COL19A1: variants seen among roughly 807,000 people sequenced by gnomAD.
COL19A1 encodes the protein collagen type XIX alpha 1 chain.
In COL19A1, 159 loss-of-function variants were observed where a neutral mutation model predicts 190.2. The ratio of observed to expected loss-of-function variants is 0.84; its 90% confidence interval spans 0.73 to 0.95. The LOEUF (loss-of-function observed/expected upper bound fraction) is 0.95, where lower values mean the gene tolerates loss of function less well. Among genes scored for constraint, COL19A1 ranks in the 40% least tolerant of loss-of-function variants. The pLI, the probability that COL19A1 is intolerant of heterozygous loss-of-function variation, is 0.00. For synonymous variants in COL19A1, 509 were observed against 458.9 expected (o/e 1.11, Z -1.39); for missense variants, 1,418 against 1,431.9 (o/e 0.99, Z 0.16).
chr6:69,966,214 G>A (rs534640532), intron 11 of COL19A1, among the ~76,000 whole-genome samples: 5 of 152,040 alleles, frequency 3.3e-5, no homozygotes, highest in African/African-American at 1.2e-4. Context: ...CTGCCCGGCC[G>A]CCCCGTCTGG....
chr6:70,027,647 A>G (rs546220391), intron 12 of COL19A1, among the ~76,000 whole-genome samples: 101 of 152,280 alleles, frequency 6.6e-4, no homozygotes, highest in Non-Finnish European at 1.2e-3. Flanking sequence ...ATGCATGCTC[A>G]TATGTCCATT....
At chr6:69,975,478 C>G (rs1775662975) in intron 11 of COL19A1, among the ~76,000 whole-genome samples, 1 of 152,142 alleles carries the variant, frequency 6.6e-6, no homozygotes, top group South Asian at 2.1e-4. Flanking sequence ...CTAGATTAGG[C>G]CTAGAATCAC....
At chr6:70,054,250 T>A (rs1179569470) in intron 14 of COL19A1, among the ~76,000 whole-genome samples, 1 of 152,154 alleles carries the variant, frequency 6.6e-6, no homozygotes, top group Non-Finnish European at 1.5e-5. Context: ...CTCGGGAGGC[T>A]GAGGCAGGAG....
chr6:69,950,689 C>T (rs1012841984), intron 9 of COL19A1, among the ~76,000 whole-genome samples: 1 of 150,778 alleles, frequency 6.6e-6, no homozygotes, highest in Non-Finnish European at 1.5e-5. Flanking sequence ...CACACACACA[C>T]ACACACACAC....
intron 11 of COL19A1, among the ~76,000 whole-genome samples, chr6:69,991,573 A>C (rs1343300679): frequency 1.3e-5 from 2 of 152,066 alleles, no homozygotes; most frequent in Non-Finnish European, 2.9e-5. Context: ...TTTTAATAAT[A>C]GCCATCCTGA....
chr6:69,945,885 C>G (rs1773765412), intron 9 of COL19A1, among the ~76,000 whole-genome samples: 1 of 151,936 alleles, frequency 6.6e-6, no homozygotes, highest in Non-Finnish European at 1.5e-5. Flanking sequence ...ATATTATTTT[C>G]CACTGTTTCG....
intron 15 of COL19A1, among the ~76,000 whole-genome samples, chr6:70,079,497 T>C (rs1291316222): frequency 6.6e-6 from 1 of 152,028 alleles, no homozygotes; most frequent in African/African-American, 2.4e-5. Context: ...AACCTTGAAA[T>C]TTGGGTAAAC....
chr6:69,982,922 A>C (rs1459306259), intron 11 of COL19A1, among the ~76,000 whole-genome samples: 1 of 151,604 alleles, frequency 6.6e-6, no homozygotes, highest in Non-Finnish European at 1.5e-5. Context: ...CAGTGAGCCA[A>C]GATCTTGCCA....
At chr6:70,148,045 C>T (rs1389471108) in intron 27 of COL19A1, among the ~76,000 whole-genome samples, 5 of 152,002 alleles carry the variant, frequency 3.3e-5, no homozygotes, top group Admixed American at 1.3e-4. Context: ...TCAGTCCCCA[C>T]GGAGTTGGGG....
intron 48 of COL19A1, among the ~76,000 whole-genome samples, chr6:70,192,049 TTG>T (rs893114407): frequency 4.3e-4 from 35 of 80,960 alleles, no homozygotes; most frequent in African/African-American, 1.3e-3. Flanking sequence ...ATGGGGTTTT[TTG>T]TTGTTGTTGT....
chr6:70,180,592 A>G, intron 44 of COL19A1, 69 bp downstream of exon 44: 1 of 1,498,756 alleles, frequency 6.7e-7, no homozygotes. Context: ...CTCATCTACC[A>G]CCTCAGAAAT....
chr6:70,176,191 G>C (rs992021954), intron 41 of COL19A1, among the ~76,000 whole-genome samples: 2 of 152,178 alleles, frequency 1.3e-5, no homozygotes, highest in African/African-American at 4.8e-5. Context: ...TTTTGAACAT[G>C]TAGAATAAAA....
rs147487822 is a variant in COL19A1, at chr6:70,134,571, G to A, written c.1384-3114G>A. On this transcript the variant is annotated intron_variant, in intron 18 of 50. Transcript: ENST00000620364. Reference sequence around the variant, plus strand: ...AGCGAATATTACACAGTTGGGATGCGGATGACTGAACTTTGGGAAACACTG... The same window carrying A: ...AGCGAATATTACACAGTTGGGATGCAGATGACTGAACTTTGGGAAACACTG... Among the ~76,000 whole-genome samples, 159 of 152,226 alleles carry A rather than the reference G, an allele frequency of 1.0e-3. 1 individual carries two copies. Among genetic ancestry groups the A allele is most frequent in the African/African-American group, 3.1e-3 (128 of 41,528 alleles).
At chr6:69,896,543 CAAAAAAAAAAA>C (rs61409385) in intron 2 of COL19A1, among the ~76,000 whole-genome samples, 13 of 71,676 alleles carry the variant, frequency 1.8e-4, no homozygotes, top group Admixed American at 1.7e-4. Flanking sequence ...GACTCCGTCT[CAAAAAAAAAAA>C]AAAAAAAAAA....
chr6:69,998,420 G>A lies in COL19A1; in HGVS notation c.1027-25207G>A, dbSNP rs191535717. 8.7e-3 allele frequency among the ~76,000 whole-genome samples: 1,326 copies of A among 151,852 alleles called. 18 individuals carry two copies. The highest frequency in any genetic ancestry group is 0.03 in the African/African-American group (1,234 of 41,378). On this transcript the variant is annotated intron_variant, in intron 11 of 50. Transcript: ENST00000620364. ...AGCACTTTGGGAGGCCAAGGTGGGC[G>A]GATCACCTGAGATCAGGAGTTCGAG... is the stretch of plus-strand genomic sequence containing the variant.
At chr6:70,034,168 G>T in intron 12 of COL19A1, 77 bp from the exon 13 acceptor site, 1 of 1,002,594 alleles carries the variant, frequency 1.0e-6, no homozygotes, top group South Asian at 1.3e-5. Flanking sequence ...AGTAAATTAT[G>T]ATTTATTTTG....
In COL19A1 at chr6:70,149,897, G is replaced by T; in HGVS notation, c.1976G>T (p.Gly659Val). The change falls in exon 29 of 51, where the codon GGG becomes GTG. Residue 659 changes from glycine (G) to valine (V), a missense_variant. Coordinates refer to ENST00000620364, the MANE Select transcript of COL19A1 (RefSeq NM_001858.6). ...PGLPGTPGTP[G>V]NDGVPGRDGK... is the part of the protein sequence containing the mutation. ...TTGCCAGGAACTCCAGGGACTCCAG[G>T]GAATGATGTAAGGACTTTCTTTATC... 6.2e-7 allele frequency: 1 copy of T among 1,613,662 alleles called. No individual in the cohort carries two copies. Among genetic ancestry groups the T allele is most frequent in the Non-Finnish European group, 8.5e-7 (1 of 1,179,790 alleles).
intron 11 of COL19A1, among the ~76,000 whole-genome samples, chr6:70,018,469 G>A (rs556716761): frequency 1.3e-5 from 2 of 152,208 alleles, no homozygotes; most frequent in Non-Finnish European, 2.9e-5. Flanking sequence ...ATTCACTGGA[G>A]TTAGCTCCAT....
chr6:69,866,877 G>T (rs1167896337), intron 1 of COL19A1, among the ~76,000 whole-genome samples: 1 of 152,142 alleles, frequency 6.6e-6, no homozygotes, highest in Non-Finnish European at 1.5e-5. Context: ...ACTCTCATGT[G>T]GTACATACCA....
Sources: gnomAD v4.1 joint callset for allele counts (sites outside exome capture counted in the v4.1 genomes callset) on GRCh38, gnomAD v4.1.1 for gene constraint, MANE v1.5 for transcripts, NCBI Gene and HGNC (gene_info 2026-07-23, HGNC 2026-07-21) for gene names.